Variants in NFATC3 observed in about 807,000 individuals in gnomAD.
The protein encoded by NFATC3 is nuclear factor of activated T cells 3, also known as nuclear factor of activated T-cells, cytoplasmic 3.
A neutral mutation model predicts 98.6 loss-of-function variants in NFATC3; 46 were observed. The observed-to-expected ratio is 0.47, with a 90% CI of 0.37 to 0.60. The LOEUF is 0.60. Ranked by LOEUF, NFATC3 falls within the 20% of genes least tolerant of loss-of-function variation. The probability of loss-of-function intolerance (pLI) is 0.00; values close to 1 mark genes in which losing one functional copy is unlikely to be tolerated. For missense variants in NFATC3, 1,256 were observed against 1,295.5 expected (o/e 0.97, Z 0.47); for synonymous variants, 512 against 472.2 (o/e 1.08, Z -1.09).
chr16:68,097,278 A>G (rs1036280579), intron 1 of NFATC3, among the ~76,000 whole-genome samples: 1 of 152,264 alleles, frequency 6.6e-6, no homozygotes, highest in Non-Finnish European at 1.5e-5. Flanking sequence ...CCTTGCCTTC[A>G]TGAAGTGCAC....
intron 9 of NFATC3, among the ~76,000 whole-genome samples, chr16:68,201,226 T>A: frequency 6.7e-6 from 1 of 148,938 alleles, no homozygotes; most frequent in East Asian, 2.0e-4. Flanking sequence ...GCCACTGCAC[T>A]TGGCCTTTTT....
intron 1 of NFATC3, among the ~76,000 whole-genome samples, chr16:68,113,068 C>A (rs1229744941): frequency 6.6e-6 from 1 of 152,174 alleles, no homozygotes; most frequent in African/African-American, 2.4e-5. Context: ...TTATTACCTA[C>A]CTTTTGAAGC....
chr16:68,158,223 A>T (rs986277074), intron 4 of NFATC3, 155 bp downstream of exon 4: 3 of 577,394 alleles, frequency 5.2e-6, no homozygotes, highest in Non-Finnish European at 8.7e-6. Flanking sequence ...GTGGTAGCAT[A>T]TTTCCAGAAG....
intron 3 of NFATC3, among the ~76,000 whole-genome samples, chr16:68,136,570 C>CA (rs1212240473): frequency 6.6e-6 from 1 of 152,074 alleles, no homozygotes; most frequent in African/African-American, 2.4e-5. Flanking sequence ...CGCCTGGCCT[C>CA]AGAGTTTACA....
At position 68,128,681 on chromosome 16, in the gene NFATC3, G is replaced by C. The variant is rs372653883; in HGVS notation, c.1401+2071G>C. Among the ~76,000 whole-genome samples, 38 of 152,322 alleles carry C rather than the reference G, an allele frequency of 2.5e-4. No homozygotes were observed. The East Asian group carries it at 7.1e-3, about 29-fold the overall frequency. ...AACAAAAACTGAGCCAGGAACAATG[G>C]TGTGTGCTTGTAGTCCCAGCTACTG... On this transcript the variant is annotated intron_variant, in intron 3 of 9. Coordinates refer to ENST00000346183, the MANE Select transcript of NFATC3 (RefSeq NM_173165.3).
chr16:68,203,808 T>C (rs1337317973), intron 9 of NFATC3, among the ~76,000 whole-genome samples: 1 of 152,146 alleles, frequency 6.6e-6, no homozygotes, highest in African/African-American at 2.4e-5. Context: ...CCCAGCACTT[T>C]GAAAGACCGA....
chr16:68,126,317 G>T (rs2036833268), intron 2 of NFATC3, 131 bp from the exon 3 acceptor site: 4 of 707,384 alleles, frequency 5.7e-6, no homozygotes, highest in Non-Finnish European at 9.0e-6. Flanking sequence ...CTTACTAAAT[G>T]AAGTTTTATT....
At chr16:68,141,473 A>G (rs184382265) in intron 3 of NFATC3, among the ~76,000 whole-genome samples, 14 of 152,176 alleles carry the variant, frequency 9.2e-5, no homozygotes, top group South Asian at 4.2e-4. Context: ...GCCAACATCT[A>G]TTGTTTTCTT....
chr16:68,130,613 TTC>T (rs143477847), intron 3 of NFATC3, among the ~76,000 whole-genome samples: 1 of 152,288 alleles, frequency 6.6e-6, no homozygotes, highest in African/African-American at 2.4e-5. Context: ...TGTCTCCTCA[TTC>T]TGTTATTTCC....
intron 9 of NFATC3, chr16:68,200,570 C>T (rs1036653501): frequency 1.3e-5 from 2 of 152,104 alleles, no homozygotes; most frequent in South Asian, 2.1e-4. Context: ...GCAGATATTC[C>T]TTTGGGGGTT....
rs1226508306 is a variant in NFATC3, at chr16:68,158,079, A to G, written c.1601+11A>G. ...TAATATGTCAGCCAGGTATTTTGAA[A>G]TATACCTAAAATGTGCAGTTCTTTT... On this transcript the variant is annotated intron_variant, in intron 4 of 9. Transcript: ENST00000346183. 6.3e-7 allele frequency: 1 copy of G among 1,592,428 alleles called. No individual in the cohort carries two copies.
chr16:68,115,608 A>T (rs2036233887), intron 1 of NFATC3, among the ~76,000 whole-genome samples: 1 of 151,952 alleles, frequency 6.6e-6, no homozygotes, highest in Non-Finnish European at 1.5e-5. Flanking sequence ...TATTTTTAGT[A>T]GAGACAGGGT....
At chr16:68,177,879 C>A (rs1415117851) in intron 6 of NFATC3, among the ~76,000 whole-genome samples, 1 of 152,154 alleles carries the variant, frequency 6.6e-6, no homozygotes, top group Non-Finnish European at 1.5e-5. Context: ...CATTTCCTTA[C>A]CTGCTACTCT....
chr16:68,122,848 G>A lies in NFATC3; in HGVS notation c.965G>A (p.Gly322Asp), dbSNP rs139429567. The A allele has an allele frequency of 2.0e-4, 324 of 1,614,098 alleles. 1 individual carries two copies. Among genetic ancestry groups the A allele is most frequent in the Non-Finnish European group, 1.4e-4 (160 of 1,180,044 alleles). Residue 322 changes from glycine (G) to aspartate (D), a missense_variant, in exon 2 of 10, where the codon GGC (glycine) becomes GAC (aspartate). This residue lies in a region of NFATC3 where 464 missense variants were observed against 465.7 expected (regional missense o/e 1.00). Transcript: ENST00000346183. ...NASVHGGSGLGPAVFPFQYCV... is the reference protein window; with the variant it reads ...NASVHGGSGLDPAVFPFQYCV... ...TCTGTCCATGGTGGGTCAGGCCTTG[G>A]CCCTGCAGTTTTTCCATTTCAGTAC...
At chr16:68,151,602 A>G (rs879720007) in intron 3 of NFATC3, among the ~76,000 whole-genome samples, 7 of 152,206 alleles carry the variant, frequency 4.6e-5, no homozygotes, top group African/African-American at 7.2e-5. Flanking sequence ...TTGAAGAACT[A>G]TAGTTATCCC....
chr16:68,106,906 C>G (rs892601500), intron 1 of NFATC3, among the ~76,000 whole-genome samples: 8 of 152,078 alleles, frequency 5.3e-5, no homozygotes, highest in Admixed American at 4.6e-4. Context: ...GATGCTCTCC[C>G]TCTCTCGTGA....
chr16:68,129,141 T>A (rs1437125574), intron 3 of NFATC3, among the ~76,000 whole-genome samples: 3 of 152,090 alleles, frequency 2.0e-5, no homozygotes, highest in African/African-American at 7.2e-5. Context: ...AGCATGCGCC[T>A]GTAGTCCCAG....
At chr16:68,166,350 A>AGGGTGGCT (rs2039193921) in intron 4 of NFATC3, among the ~76,000 whole-genome samples, 1 of 152,206 alleles carries the variant, frequency 6.6e-6, no homozygotes, top group Non-Finnish European at 1.5e-5. Context: ...CAAAACGGCT[A>AGGGTGGCT]GGGTGGCTGG....
chr16:68,124,885 C>T (rs553206048), intron 2 of NFATC3, among the ~76,000 whole-genome samples: 6 of 152,092 alleles, frequency 3.9e-5, no homozygotes, highest in East Asian at 1.9e-4. Flanking sequence ...CCTGCCACCA[C>T]GCCTGGCTAA....
Sources: gnomAD v4.1 joint callset for allele counts (sites outside exome capture counted in the v4.1 genomes callset) on GRCh38, gnomAD v4.1.1 for gene constraint, gnomAD v4.1.1 regional missense constraint, MANE v1.5 for transcripts, NCBI Gene and HGNC (gene_info 2026-07-23, HGNC 2026-07-21) for gene names.